The following HPSE2 variants were observed in gnomAD, a reference collection of about 807,000 sequenced individuals.
The protein encoded by HPSE2 is inactive heparanase-2.
A neutral mutation model predicts 60.5 loss-of-function variants in HPSE2; 38 were observed. The ratio of observed to expected loss-of-function variants is 0.63; its 90% CI spans 0.48 to 0.82. The LOEUF is 0.82. Ranked by LOEUF, HPSE2 falls within the 40% of genes least tolerant of loss-of-function variation. The pLI is 0.00. For synonymous variants in HPSE2, 295 were observed against 293.2 expected (o/e 1.01, Z -0.06); for missense variants, 713 against 740.4 (o/e 0.96, Z 0.43).
chr10:99,151,048 C>T (rs1156371851), intron 2 of HPSE2, among the ~76,000 whole-genome samples: 1 of 151,814 alleles, frequency 6.6e-6, no homozygotes, highest in Admixed American at 6.6e-5. Flanking sequence ...AAAGAAATAT[C>T]AGTAACAGCA....
the HPSE2 span, among the ~76,000 whole-genome samples, chr10:99,299,378 C>A: frequency 6.6e-6 from 1 of 152,156 alleles, no homozygotes; most frequent in African/African-American, 2.4e-5. Flanking sequence ...AGAATATGTG[C>A]CTTTTCCCAT....
chr10:99,043,301 G>A (rs1392324906), intron 3 of HPSE2, among the ~76,000 whole-genome samples: 4 of 152,170 alleles, frequency 2.6e-5, no homozygotes, highest in South Asian at 2.1e-4. Flanking sequence ...TGGCTAACAC[G>A]GTGAAACCCC....
intron 2 of HPSE2, among the ~76,000 whole-genome samples, chr10:99,218,910 G>A (rs1355968542): frequency 6.6e-6 from 1 of 152,146 alleles, no homozygotes; most frequent in African/African-American, 2.4e-5. Flanking sequence ...TCCATGATCT[G>A]CTTTTCCAAC....
intron 11 of HPSE2, among the ~76,000 whole-genome samples, chr10:98,472,291 T>C (rs1043917275): frequency 6.6e-6 from 1 of 152,150 alleles, no homozygotes; most frequent in Non-Finnish European, 1.5e-5. Context: ...TGCTAGTGTT[T>C]AGAGTAAGTA....
intron 3 of HPSE2, among the ~76,000 whole-genome samples, chr10:99,037,506 T>C (rs1957637170): frequency 2.0e-5 from 3 of 151,950 alleles, no homozygotes; most frequent in Admixed American, 6.6e-5. Context: ...CTTAAAAACA[T>C]AGAAACATGG....
At chr10:98,647,359 G>T (rs1328496452) in intron 6 of HPSE2, among the ~76,000 whole-genome samples, 1 of 152,190 alleles carries the variant, frequency 6.6e-6, no homozygotes, top group African/African-American at 2.4e-5. Context: ...ACTTTAAAAA[G>T]AAAAACCTTT....
chr10:98,572,706 T>C lies in HPSE2; in HGVS notation c.1320+42198A>G, dbSNP rs189345111. Reference sequence around the variant, plus strand: ...TTTCCTAACATTTCCCTTTAGACTTTTCCTAACATCCTCTTTTTAAAAAGA... The same window carrying C: ...TTTCCTAACATTTCCCTTTAGACTTCTCCTAACATCCTCTTTTTAAAAAGA... On this transcript the variant is annotated intron_variant, in intron 9 of 11. Transcript: ENST00000370552. 5.3e-3 allele frequency among the ~76,000 whole-genome samples: 800 copies of C among 152,348 alleles called. 5 individuals carry two copies. Among genetic ancestry groups the C allele is most frequent in the Middle Eastern group, 0.01 (3 of 294 alleles).
Position 98,842,655 on chromosome 10 carries a change from T to G in HPSE2, c.611-98599A>C, listed in dbSNP as rs1383579998. 2.6e-5 allele frequency among the ~76,000 whole-genome samples: 4 copies of G among 152,196 alleles called. No homozygotes were observed. The East Asian group carries it at 7.7e-4, about 29-fold the overall frequency. On this transcript the variant is annotated intron_variant, in intron 3 of 11. Coordinates refer to ENST00000370552, the MANE Select transcript of HPSE2 (RefSeq NM_021828.5). ...CATAGTCTCCTCTGTTACCAGCATCTCCCACCAGAGTGGTACATTTCTTCT... is the reference window on the plus strand; with the variant it reads ...CATAGTCTCCTCTGTTACCAGCATCGCCCACCAGAGTGGTACATTTCTTCT...
chr10:98,833,722 C>T (rs1468305646), intron 3 of HPSE2, among the ~76,000 whole-genome samples: 1 of 152,180 alleles, frequency 6.6e-6, no homozygotes, highest in African/African-American at 2.4e-5. Context: ...CATTTCCCAA[C>T]ATCCATTGCA....
At chr10:98,485,741 T>C (rs1444997378) in intron 10 of HPSE2, among the ~76,000 whole-genome samples, 1 of 152,210 alleles carries the variant, frequency 6.6e-6, no homozygotes, top group African/African-American at 2.4e-5. Flanking sequence ...TGGGTATCAA[T>C]TTTGCCAGAC....
intron 2 of HPSE2, among the ~76,000 whole-genome samples, chr10:99,154,610 C>A (rs1014854517): frequency 6.6e-6 from 1 of 151,684 alleles, no homozygotes; most frequent in African/African-American, 2.4e-5. Context: ...AAGCGCTAAA[C>A]ATGGAAAGGA....
At chr10:98,741,029 A>G (rs1307951824) in intron 4 of HPSE2, among the ~76,000 whole-genome samples, 1 of 152,174 alleles carries the variant, frequency 6.6e-6, no homozygotes, top group Non-Finnish European at 1.5e-5. Context: ...TTCAAACAAT[A>G]AAATGTATTC....
chr10:98,682,320 G>A (rs898019334), intron 6 of HPSE2, among the ~76,000 whole-genome samples: 1 of 152,212 alleles, frequency 6.6e-6, no homozygotes, highest in African/African-American at 2.4e-5. Flanking sequence ...GCAGATGCCA[G>A]CACAATGCTT....
intron 2 of HPSE2, among the ~76,000 whole-genome samples, chr10:99,154,746 A>G (rs1053186135): frequency 2.0e-5 from 3 of 151,596 alleles, no homozygotes; most frequent in Non-Finnish European, 4.4e-5. Context: ...AAATTCACAC[A>G]TAACAATATT....
At chr10:98,700,015 A>T (rs971862510) in intron 5 of HPSE2, among the ~76,000 whole-genome samples, 10 of 151,736 alleles carry the variant, frequency 6.6e-5, no homozygotes, top group African/African-American at 2.4e-4. Context: ...ATGGAAGAAC[A>T]TTCCATGCTC....
chr10:98,852,399 G>T (rs1454044673), intron 3 of HPSE2, among the ~76,000 whole-genome samples: 3 of 152,058 alleles, frequency 2.0e-5, no homozygotes, highest in African/African-American at 7.2e-5. Context: ...TAGGTCATAA[G>T]ACAGGATCTC....
intron 9 of HPSE2, among the ~76,000 whole-genome samples, chr10:98,552,441 G>A (rs1943890344): frequency 1.3e-5 from 2 of 152,068 alleles, no homozygotes; most frequent in South Asian, 4.1e-4. Context: ...GAAAAAAGCG[G>A]GATATAAGGG....
chr10:99,305,950 A>C, the HPSE2 span, among the ~76,000 whole-genome samples: 3 of 63,398 alleles, frequency 4.7e-5, no homozygotes, highest in African/African-American at 8.0e-5. Flanking sequence ...AAAATATCCA[A>C]ACTCACACAC....
chr10:98,719,342 A>C (rs1948864267), intron 5 of HPSE2, among the ~76,000 whole-genome samples: 1 of 152,118 alleles, frequency 6.6e-6, no homozygotes, highest in African/African-American at 2.4e-5. Flanking sequence ...TGTTATCATC[A>C]ATTTGATAAG....
Sources: gnomAD v4.1 joint callset for allele counts (sites outside exome capture counted in the v4.1 genomes callset) on GRCh38, gnomAD v4.1.1 for gene constraint, MANE v1.5 for transcripts, NCBI Gene and HGNC (gene_info 2026-07-23, HGNC 2026-07-21) for gene names.